The following BLTP1 variants were observed in gnomAD, a reference collection of about 807,000 sequenced individuals.
BLTP1 encodes the protein bridge-like lipid transfer protein family member 1.
the BLTP1 span, chr4:122,279,734 C>T: frequency 6.3e-7 from 1 of 1,577,902 alleles, no homozygotes; most frequent in Middle Eastern, 1.7e-4. Context: ...CTTTACTTGG[C>T]TGTTGGCTGT....
At chr4:122,343,673 A>C in the BLTP1 span, 6 of 1,548,144 alleles carry the variant, frequency 3.9e-6, no homozygotes, top group South Asian at 7.0e-5. Context: ...TTCAAGCTTT[A>C]TTTTCATAAA....
chr4:122,317,022 C>T, the BLTP1 span, among the ~76,000 whole-genome samples: 2 of 152,140 alleles, frequency 1.3e-5, no homozygotes, highest in Admixed American at 6.5e-5. Context: ...CAAGATTATA[C>T]ACTCATTAGT....
At chr4:122,292,131 C>T in the BLTP1 span, among the ~76,000 whole-genome samples, 1 of 151,998 alleles carries the variant, frequency 6.6e-6, no homozygotes, top group African/African-American at 2.4e-5. Context: ...CCACCACACC[C>T]AGCTATTTTT....
the BLTP1 span, chr4:122,255,188 C>G: frequency 3.1e-6 from 5 of 1,611,932 alleles, no homozygotes; most frequent in Non-Finnish European, 4.2e-6. Flanking sequence ...AAAAGTTGCT[C>G]GCTTTCTCCA....
At chr4:122,342,151 G>A in the BLTP1 span, among the ~76,000 whole-genome samples, 2 of 152,094 alleles carry the variant, frequency 1.3e-5, no homozygotes, top group Non-Finnish European at 2.9e-5. Context: ...ATGAGGCAAG[G>A]AGAGCCATTT....
At chr4:122,258,333 G>A in the BLTP1 span, among the ~76,000 whole-genome samples, 4 of 152,088 alleles carry the variant, frequency 2.6e-5, no homozygotes, top group South Asian at 8.3e-4. Flanking sequence ...GAGGAATAGG[G>A]TAGATTTTAT....
the BLTP1 span, chr4:122,298,665 T>C: frequency 2.2e-4 from 2 of 9,294 alleles, no homozygotes; most frequent in Non-Finnish European, 3.4e-4. Flanking sequence ...CATTAGGTAT[T>C]TAAACATATA....
At chr4:122,229,988 A>C in the BLTP1 span, 2 of 1,614,132 alleles carry the variant, frequency 1.2e-6, no homozygotes, top group South Asian at 2.2e-5. Context: ...TGGGGAAGGA[A>C]TCAGTGCTGC....
the BLTP1 span, chr4:122,155,979 C>T: frequency 1.0e-6 from 1 of 969,962 alleles, no homozygotes; most frequent in Non-Finnish European, 1.2e-6. Context: ...CATCTTTATG[C>T]ATATGTTAAT....
At chr4:122,210,155 A>G in the BLTP1 span, 1 of 268,458 alleles carries the variant, frequency 3.7e-6, no homozygotes, top group African/African-American at 2.3e-5. Context: ...TAATCCTTAT[A>G]ACAACTCTGT....
chr4:122,253,924 C>T, the BLTP1 span, among the ~76,000 whole-genome samples: 821 of 152,148 alleles, frequency 5.4e-3, 10 homozygotes, highest in African/African-American at 0.019. Context: ...AAATAACATA[C>T]GATGGAGCTC....
the BLTP1 span, chr4:122,292,347 A>T: frequency 1.1e-6 from 1 of 892,088 alleles, no homozygotes. Flanking sequence ...AAACAACTTG[A>T]GTATAAGAAA....
At chr4:122,301,452 G>T in the BLTP1 span, 1 of 983,272 alleles carries the variant, frequency 1.0e-6, no homozygotes, top group Non-Finnish European at 1.5e-6. Context: ...ATTAATATAT[G>T]CTTGTTATAG....
chr4:122,173,129 A>C, the BLTP1 span: 1 of 1,611,886 alleles, frequency 6.2e-7, no homozygotes, highest in Non-Finnish European at 8.5e-7. Context: ...AACAGATTAT[A>C]CAAGCATGGC....
At chr4:122,359,876 T>G in the BLTP1 span, 15 of 985,278 alleles carry the variant, frequency 1.5e-5, no homozygotes, top group East Asian at 1.1e-4. Flanking sequence ...CTTTGCTGCT[T>G]CTTTCTGTAT....
chr4:122,265,419 A>G, the BLTP1 span, among the ~76,000 whole-genome samples: 7 of 152,200 alleles, frequency 4.6e-5, no homozygotes, highest in South Asian at 6.2e-4. Flanking sequence ...AATATTTTCA[A>G]TGTGGTTGGT....
At chr4:122,205,368 T>C in the BLTP1 span, among the ~76,000 whole-genome samples, 1 of 151,832 alleles carries the variant, frequency 6.6e-6, no homozygotes, top group African/African-American at 2.4e-5. Context: ...TCTTATTTTG[T>C]ACAAGAGAAA....
the BLTP1 span, chr4:122,334,237 A>C: frequency 2.2e-5 from 24 of 1,068,526 alleles, no homozygotes; most frequent in East Asian, 2.3e-4. Context: ...TTAAAAGTTA[A>C]AACAGTCTTC....
At chr4:122,317,944 C>T in the BLTP1 span, 1 of 165,988 alleles carries the variant, frequency 6.0e-6, no homozygotes, top group African/African-American at 2.4e-5. Context: ...ATGGATAAGA[C>T]ACATTTCCTC....
Sources: allele counts gnomAD v4.1 joint callset (sites outside exome capture counted in the v4.1 genomes callset), GRCh38; gene constraint gnomAD v4.1.1; transcripts MANE v1.5; gene names NCBI Gene and HGNC (gene_info 2026-07-23, HGNC 2026-07-21).